RBFOX1: variants seen among roughly 807,000 people sequenced by gnomAD.
RBFOX1 encodes RNA binding fox-1 homolog 1, also known as RNA binding protein fox-1 homolog 1.
RBFOX1 carries 8 observed loss-of-function variants against 57.7 expected under a neutral mutation model. That is an observed-to-expected ratio of 0.14 (90% CI 0.08 to 0.25). The LOEUF (loss-of-function observed/expected upper bound fraction) is 0.25, where lower values mean the gene tolerates loss of function less well. Ranked by LOEUF, RBFOX1 falls within the 10% of genes least tolerant of loss-of-function variation. The pLI is 1.00. For missense variants in RBFOX1, 611 were observed against 548.5 expected (o/e 1.11, Z -1.14); for synonymous variants, 326 against 222.4 (o/e 1.47, Z -4.15).
At chr16:6,983,008 A>AC (rs2089342869) in intron 3 of RBFOX1, among the ~76,000 whole-genome samples, 1 of 151,108 alleles carries the variant, frequency 6.6e-6, no homozygotes, top group South Asian at 2.1e-4. Context: ...AAAAAAAAAA[A>AC]AAAAAAAAAG....
chr16:5,939,840 G>A (rs886634441), intron 4 of RBFOX1, among the ~76,000 whole-genome samples: 2 of 152,142 alleles, frequency 1.3e-5, no homozygotes, highest in Non-Finnish European at 2.9e-5. Flanking sequence ...ATGGACATGG[G>A]GATCTATTGA....
At chr16:6,563,106 C>T (rs974689734) in intron 2 of RBFOX1, among the ~76,000 whole-genome samples, 1 of 151,988 alleles carries the variant, frequency 6.6e-6, no homozygotes, top group African/African-American at 2.4e-5. Context: ...GCTGTTTCCC[C>T]AGGCCCAAGT....
intron 4 of RBFOX1, among the ~76,000 whole-genome samples, chr16:5,892,963 A>C (rs1213144934): frequency 3.9e-5 from 6 of 152,186 alleles, no homozygotes; most frequent in African/African-American, 1.2e-4. Context: ...TGTTCAACGA[A>C]GTCTTCCCAA....
chr16:6,692,127 G>C (rs1044516091), intron 3 of RBFOX1, among the ~76,000 whole-genome samples: 1 of 152,186 alleles, frequency 6.6e-6, no homozygotes, highest in Non-Finnish European at 1.5e-5. Flanking sequence ...GTTTAATTAA[G>C]TAAGTTAGTG....
At chr16:7,206,208 C>T (rs1369480500) in intron 4 of RBFOX1, among the ~76,000 whole-genome samples, 1 of 151,914 alleles carries the variant, frequency 6.6e-6, no homozygotes, top group African/African-American at 2.4e-5. Context: ...CTAGGGAGAC[C>T]CAGTAGGTAA....
intron 2 of RBFOX1, among the ~76,000 whole-genome samples, chr16:6,587,010 T>TTGTGTGTG (rs140293624): frequency 6.6e-6 from 1 of 150,682 alleles, no homozygotes; most frequent in African/African-American, 2.4e-5. Context: ...CCCCTGTTTA[T>TTGTGTGTG]TGTGTGTGTG....
chr16:6,808,877 G>C (rs961966178), intron 3 of RBFOX1, among the ~76,000 whole-genome samples: 10 of 152,118 alleles, frequency 6.6e-5, no homozygotes, highest in African/African-American at 2.4e-4. Context: ...ACCTTTAGCA[G>C]GGAACAATAT....
chr16:7,499,886 C>CA lies in RBFOX1; in HGVS notation c.28-18253dup, dbSNP rs960119978. ...CAGACTTCTACACTGTGAGTATCTG[C>CA]AAAAAAAAGAAAAAAAAAAAACATT... is the stretch of plus-strand genomic sequence containing the variant. On this transcript the variant is annotated intron_variant, in intron 4 of 15. Coordinates refer to ENST00000550418, the MANE Select transcript of RBFOX1 (RefSeq NM_018723.4). Among the ~76,000 whole-genome samples the CA allele has an allele frequency of 1.9e-4, 28 of 147,244 alleles. No homozygotes were observed. In the South Asian group the frequency reaches 2.2e-3, roughly 11 times the overall value.
rs144808166 is a variant in RBFOX1 at position 5,723,089 on chromosome 16, A to G, written c.318+124128A>G. Among the ~76,000 whole-genome samples the G allele has an allele frequency of 1.3e-3, 205 of 152,330 alleles. 1 individual carries two copies. The highest frequency in any genetic ancestry group is 4.6e-3 in the African/African-American group (190 of 41,576). ...CAGCAGCCTAATTCACAAGTGATGC[A>G]GGTTTGCCATTATCTTCCTTTTACC... On this transcript the variant is annotated intron_variant, in intron 3 of 19. Coordinates refer to the RBFOX1 transcript ENST00000641259.
intron 3 of RBFOX1, among the ~76,000 whole-genome samples, chr16:6,889,955 T>G (rs1323219157): frequency 6.6e-6 from 1 of 152,226 alleles, no homozygotes; most frequent in African/African-American, 2.4e-5. Context: ...TGGTTACCTG[T>G]GATAACTAGA....
At chr16:6,563,127 G>A (rs888390244) in intron 2 of RBFOX1, among the ~76,000 whole-genome samples, 2 of 152,006 alleles carry the variant, frequency 1.3e-5, no homozygotes, top group South Asian at 2.1e-4. Flanking sequence ...GCAATGCCTG[G>A]TGCAAAATGA....
chr16:7,577,403 C>T (rs1008864592), intron 5 of RBFOX1, among the ~76,000 whole-genome samples: 1 of 152,184 alleles, frequency 6.6e-6, no homozygotes, highest in African/African-American at 2.4e-5. Flanking sequence ...CTCCTGAATC[C>T]AAGACATCAT....
intron 4 of RBFOX1, among the ~76,000 whole-genome samples, chr16:7,141,793 G>A (rs993315847): frequency 2.6e-5 from 4 of 151,954 alleles, no homozygotes; most frequent in South Asian, 2.1e-4. Flanking sequence ...GCCTGGTCAC[G>A]GTCCATCATA....
intron 1 of RBFOX1, among the ~76,000 whole-genome samples, chr16:5,267,219 G>T (rs1464519391): frequency 6.6e-6 from 1 of 151,976 alleles, no homozygotes; most frequent in East Asian, 1.9e-4. Flanking sequence ...TCTTGTGGAT[G>T]ACTCATGCTC....
chr16:7,346,447 G>C (rs201387532), intron 4 of RBFOX1, among the ~76,000 whole-genome samples: 5 of 152,174 alleles, frequency 3.3e-5, no homozygotes, highest in East Asian at 3.9e-4. Context: ...GACACGACAC[G>C]CGTTTGATAA....
chr16:7,637,628 G>C (rs1445055424), intron 11 of RBFOX1, among the ~76,000 whole-genome samples: 1 of 152,134 alleles, frequency 6.6e-6, no homozygotes, highest in African/African-American at 2.4e-5. Flanking sequence ...GCTGGACTCA[G>C]TTACTAGAAA....
chr16:7,447,209 A>G (rs927304335), intron 4 of RBFOX1, among the ~76,000 whole-genome samples: 1 of 151,906 alleles, frequency 6.6e-6, no homozygotes, highest in Non-Finnish European at 1.5e-5. Context: ...AGGCTGGCAG[A>G]TTAATTGAGG....
Position 6,807,971 on chromosome 16 carries a change from G to A in RBFOX1, c.-16+153321G>A, listed in dbSNP as rs150937205. ...AATATATGCATTATATATAATATGC[G>A]TATTGTACCCTGTATATATATATGC... On this transcript the variant is annotated intron_variant, in intron 3 of 15. Coordinates refer to ENST00000550418, the MANE Select transcript of RBFOX1 (RefSeq NM_018723.4). Among the ~76,000 whole-genome samples the A allele has an allele frequency of 5.8e-3, 857 of 147,172 alleles. 10 individuals are homozygous for A. The highest frequency in any genetic ancestry group is 0.019 in the African/African-American group (762 of 39,618).
intron 4 of RBFOX1, among the ~76,000 whole-genome samples, chr16:7,209,155 AATAAT>A (rs2090606175): frequency 9.9e-6 from 1 of 100,640 alleles, no homozygotes; most frequent in Admixed American, 9.3e-5. Flanking sequence ...TAATAATAAT[AATAAT>A]AATAATAATA....
Sources: gnomAD v4.1 joint callset for allele counts (sites outside exome capture counted in the v4.1 genomes callset) on GRCh38, gnomAD v4.1.1 for gene constraint, MANE v1.5 for transcripts, NCBI Gene and HGNC (gene_info 2026-07-23, HGNC 2026-07-21) for gene names.